ANO10: variants seen among roughly 807,000 people sequenced by gnomAD.
ANO10 encodes the protein anoctamin-10.
A neutral mutation model predicts 74.7 loss-of-function variants in ANO10; 77 were observed. The observed-to-expected ratio is 1.03, with a 90% CI of 0.86 to 1.25. ANO10 has a LOEUF of 1.25. Ranked by LOEUF, ANO10 falls within the 50% of genes most tolerant of loss-of-function variation. The pLI, the probability that ANO10 is intolerant of heterozygous loss-of-function variation, is 0.00. For missense variants in ANO10, 721 were observed against 778.1 expected (o/e 0.93, Z 0.87); for synonymous variants, 279 against 284.9 (o/e 0.98, Z 0.21).
chr3:43,400,926 C>T (rs952777053), intron 12 of ANO10, among the ~76,000 whole-genome samples: 8 of 152,172 alleles, frequency 5.3e-5, no homozygotes, highest in Non-Finnish European at 1.2e-4. Flanking sequence ...TTTGTCAAGA[C>T]GCAAGCCTAT....
chr3:43,556,444 C>T (rs2079754062), intron 9 of ANO10, among the ~76,000 whole-genome samples: 1 of 152,072 alleles, frequency 6.6e-6, no homozygotes, highest in South Asian at 2.1e-4. Context: ...GCGTGCTCCA[C>T]ACTCTGTGTT....
intron 11 of ANO10, among the ~76,000 whole-genome samples, chr3:43,443,895 G>A (rs568799231): frequency 2.0e-5 from 3 of 151,626 alleles, no homozygotes; most frequent in African/African-American, 2.4e-5. Flanking sequence ...TTGGCCAGGC[G>A]GGTCTCGAAC....
At chr3:43,432,941 A>ATCCTTTTTTTTTTT in intron 11 of ANO10, among the ~76,000 whole-genome samples, 1 of 46,544 alleles carries the variant, frequency 2.1e-5, no homozygotes, top group Non-Finnish European at 4.9e-5. Context: ...ACTTTGCTTA[A>ATCCTTTTTTTTTTT]TTCTTTTTTT....
intron 4 of ANO10, among the ~76,000 whole-genome samples, chr3:43,593,888 T>A (rs958908619): frequency 6.6e-6 from 1 of 152,000 alleles, no homozygotes; most frequent in Admixed American, 6.6e-5. Flanking sequence ...GAGACACACA[T>A]AGGCTCAAAA....
chr3:43,551,303 G>A (rs1286499253), intron 10 of ANO10, among the ~76,000 whole-genome samples: 3 of 152,202 alleles, frequency 2.0e-5, no homozygotes, highest in Non-Finnish European at 4.4e-5. Context: ...ACCAGCTCAT[G>A]CTTCCACCAG....
At chr3:43,662,123 G>A (rs143500852) in intron 1 of ANO10, among the ~76,000 whole-genome samples, 4 of 152,164 alleles carry the variant, frequency 2.6e-5, no homozygotes, top group East Asian at 1.9e-4. Flanking sequence ...GCACTACGTC[G>A]CACTTATTCT....
At chr3:43,385,565 AC>A (rs1395439939) in intron 12 of ANO10, among the ~76,000 whole-genome samples, 1 of 152,244 alleles carries the variant, frequency 6.6e-6, no homozygotes, top group East Asian at 1.9e-4. Flanking sequence ...ACCATGGAAT[AC>A]TACTCAGCCA....
intron 9 of ANO10, among the ~76,000 whole-genome samples, chr3:43,559,134 T>C (rs1389197544): frequency 6.6e-6 from 1 of 152,188 alleles, no homozygotes; most frequent in African/African-American, 2.4e-5. Flanking sequence ...GGAATAGCCA[T>C]GCCTCCCTCA....
chr3:43,515,993 G>A (rs572987376), intron 11 of ANO10, among the ~76,000 whole-genome samples: 1 of 152,276 alleles, frequency 6.6e-6, no homozygotes, highest in South Asian at 2.1e-4. Context: ...ACGACGTAGA[G>A]AGGCATTATC....
intron 11 of ANO10, among the ~76,000 whole-genome samples, chr3:43,469,618 G>T (rs2075771811): frequency 6.6e-6 from 1 of 152,120 alleles, no homozygotes; most frequent in Non-Finnish European, 1.5e-5. Context: ...ATGCATGGTG[G>T]TCATTGCACA....
At chr3:43,552,726 A>ATATATATATATATATG (rs1553710721) in intron 10 of ANO10, among the ~76,000 whole-genome samples, 1 of 95,602 alleles carries the variant, frequency 1.0e-5, no homozygotes, top group Non-Finnish European at 2.1e-5. Flanking sequence ...ATATATATAT[A>ATATATATATATATATG]TATGTATGTA....
intron 1 of ANO10, among the ~76,000 whole-genome samples, chr3:43,658,520 A>C (rs2083883430): frequency 6.6e-6 from 1 of 151,942 alleles, no homozygotes; most frequent in African/African-American, 2.4e-5. Flanking sequence ...CCCGGGCTGG[A>C]GTGCAGTGGT....
chr3:43,397,174 C>T (rs1218072984), intron 12 of ANO10, among the ~76,000 whole-genome samples: 1 of 152,144 alleles, frequency 6.6e-6, no homozygotes, highest in Non-Finnish European at 1.5e-5. Context: ...GGTAATCCAC[C>T]TGCCTCAGCC....
intron 11 of ANO10, among the ~76,000 whole-genome samples, chr3:43,545,516 C>A (rs1043344583): frequency 6.6e-6 from 1 of 152,118 alleles, no homozygotes; most frequent in Non-Finnish European, 1.5e-5. Flanking sequence ...CAGGCACGCA[C>A]CACCATGCCC....
chr3:43,672,970 A>T (rs1005214370), intron 1 of ANO10, among the ~76,000 whole-genome samples: 4 of 152,240 alleles, frequency 2.6e-5, no homozygotes, highest in African/African-American at 9.6e-5. Flanking sequence ...ATGAACAGAG[A>T]AAAGTCTGCT....
At chr3:43,614,992 C>G (rs1279824480) in intron 1 of ANO10, among the ~76,000 whole-genome samples, 1 of 150,934 alleles carries the variant, frequency 6.6e-6, no homozygotes, top group African/African-American at 2.4e-5. Flanking sequence ...TACTGAGATA[C>G]AGACCCAACT....
chr3:43,415,898 A>T (rs556108308), intron 12 of ANO10, among the ~76,000 whole-genome samples: 13 of 152,258 alleles, frequency 8.5e-5, no homozygotes, highest in African/African-American at 3.1e-4. Flanking sequence ...ATCACACATC[A>T]TTCTCACAGA....
Position 43,366,605 on chromosome 3 carries a change from T to C in ANO10, c.*301A>G. 2.1e-6 allele frequency: 1 copy of C among 482,768 alleles called. No homozygotes were observed. The highest frequency in any genetic ancestry group is 2.0e-5 in the South Asian group (1 of 49,252). The allele number at this position is 482,768 out of a possible 1,614,324, so 29.9% of individuals were successfully genotyped here. ...TGGAGAGCTGGTGGCTCACTCATGGTGAGAGGCTCAAGGGCGGCAGTGGCT... is the reference window on the plus strand; with the variant it reads ...TGGAGAGCTGGTGGCTCACTCATGGCGAGAGGCTCAAGGGCGGCAGTGGCT... On this transcript the variant is annotated 3_prime_UTR_variant, in exon 13 of 13. Coordinates refer to ENST00000292246, the MANE Select transcript of ANO10 (RefSeq NM_018075.5).
chr3:43,575,379 G>A (rs1350916294), intron 6 of ANO10, among the ~76,000 whole-genome samples: 3 of 152,146 alleles, frequency 2.0e-5, no homozygotes, highest in Non-Finnish European at 4.4e-5. Context: ...CTGAAGAGAA[G>A]TGTCATCTTA....
Sources: gnomAD v4.1 joint callset for allele counts (sites outside exome capture counted in the v4.1 genomes callset) on GRCh38, gnomAD v4.1.1 for gene constraint, MANE v1.5 for transcripts, NCBI Gene and HGNC (gene_info 2026-07-23, HGNC 2026-07-21) for gene names.